TMEM67: variants seen among roughly 807,000 people sequenced by gnomAD.
The protein encoded by TMEM67 is transmembrane protein 67.
TMEM67 carries 124 observed loss-of-function variants against 136.6 expected under a neutral mutation model. The observed-to-expected ratio is 0.91, with a 90% confidence interval of 0.78 to 1.05. The LOEUF (loss-of-function observed/expected upper bound fraction) is 1.05, where lower values mean the gene tolerates loss of function less well. TMEM67 is among the 50% of genes least tolerant of loss of function. TMEM67 has a pLI of 0.00. For missense variants in TMEM67, 1,107 were observed against 1,178.4 expected, an observed-to-expected ratio of 0.94 and a Z score of 0.89; for synonymous variants, 364 against 390.5, an observed-to-expected ratio of 0.93 and a Z score of 0.80.
intron 11 of TMEM67, among the ~76,000 whole-genome samples, chr8:93,783,226 T>C (rs960145193): frequency 6.6e-6 from 1 of 152,264 alleles, no homozygotes; most frequent in African/African-American, 2.4e-5. Context: ...CCTCAACTGA[T>C]CCACCAGCCT....
chr8:93,831,612 C>G, the TMEM67 span, among the ~76,000 whole-genome samples: 1 of 152,154 alleles, frequency 6.6e-6, no homozygotes, highest in Admixed American at 6.5e-5. Context: ...ATGAAAAGCC[C>G]TGCCTCCTTC....
At chr8:93,808,232 C>A (rs1815244001) in intron 23 of TMEM67, among the ~76,000 whole-genome samples, 1 of 145,176 alleles carries the variant, frequency 6.9e-6, no homozygotes, top group African/African-American at 2.5e-5. Context: ...TATATATATG[C>A]TCTACTTAAA....
At chr8:93,814,135 CTTTTTT>C (rs55774610) in intron 26 of TMEM67, among the ~76,000 whole-genome samples, 4 of 60,780 alleles carry the variant, frequency 6.6e-5, no homozygotes, top group Admixed American at 1.9e-4. Flanking sequence ...TATATGTATA[CTTTTTT>C]TTTTTTTTTT....
chr8:93,782,300 ATG>A, intron 10 of TMEM67, 93 bp from the exon 11 acceptor site: 1 of 860,246 alleles, frequency 1.2e-6, no homozygotes, highest in Non-Finnish European at 2.0e-6. Flanking sequence ...AATAAGTATT[ATG>A]TAGAGCATAT....
intron 27 of TMEM67, 146 bp from the exon 28 acceptor site, chr8:93,816,226 A>G (rs1808900192): frequency 2.2e-6 from 1 of 450,024 alleles, no homozygotes; most frequent in Non-Finnish European, 4.1e-6. Context: ...ATCTTGAAAT[A>G]ATTTTATGTA....
intron 23 of TMEM67, among the ~76,000 whole-genome samples, chr8:93,808,539 A>AATAGATATATTATAG (rs1808555313): frequency 1.1e-5 from 1 of 89,926 alleles, no homozygotes; most frequent in Non-Finnish European, 2.7e-5. Context: ...ATATATCTAT[A>AATAGATATATTATAG]ATCTATATAT....
chr8:93,759,111 T>C (rs967962898), intron 3 of TMEM67: 2 of 152,286 alleles, frequency 1.3e-5, no homozygotes, highest in African/African-American at 4.8e-5. Context: ...TAAGCATTCC[T>C]GTTAATGTCA....
intron 2 of TMEM67, chr8:93,757,250 T>A (rs1409424175): frequency 6.6e-6 from 1 of 152,162 alleles, no homozygotes; most frequent in African/African-American, 2.4e-5. Flanking sequence ...TTTGGTTACA[T>A]CTGTGTTTGT....
chr8:93,823,243 A>T (rs1032842119), downstream of TMEM67, among the ~76,000 whole-genome samples: 8 of 151,854 alleles, frequency 5.3e-5, no homozygotes, highest in Admixed American at 2.0e-4. Context: ...TCTAAGGAAG[A>T]CCCCCTCTTT....
intron 15 of TMEM67, among the ~76,000 whole-genome samples, chr8:93,791,616 G>A (rs1814378773): frequency 6.6e-6 from 1 of 152,108 alleles, no homozygotes; most frequent in African/African-American, 2.4e-5. Context: ...TTTACAATGT[G>A]TGACAGATTC....
At chr8:93,799,519 G>GT in intron 20 of TMEM67, 99 bp from the exon 21 acceptor site, 1 of 1,121,568 alleles carries the variant, frequency 8.9e-7, no homozygotes, top group South Asian at 1.4e-5. Context: ...AGATATTTTA[G>GT]TTTTTCAAGG....
downstream of TMEM67, among the ~76,000 whole-genome samples, chr8:93,820,594 G>C (rs957696877): frequency 6.6e-6 from 1 of 152,126 alleles, no homozygotes; most frequent in Admixed American, 6.5e-5. Flanking sequence ...TGTGCAATTT[G>C]GGCAAGTCAT....
At chr8:93,795,165 T>C (rs1391289359) in intron 16 of TMEM67, 2 of 562,818 alleles carry the variant, frequency 3.6e-6, no homozygotes, top group Non-Finnish European at 6.3e-6. Flanking sequence ...TCAATTTTCT[T>C]AGATAGTGAA....
downstream of TMEM67, among the ~76,000 whole-genome samples, chr8:93,821,223 T>C (rs1809036218): frequency 6.6e-6 from 1 of 152,144 alleles, no homozygotes; most frequent in South Asian, 2.1e-4. Flanking sequence ...AAAGGGTAAA[T>C]GGTAAAGTTT....
At chr8:93,759,403 C>G (rs1812721855) in intron 3 of TMEM67, 3 of 144,534 alleles carry the variant, frequency 2.1e-5, no homozygotes, top group Admixed American at 1.4e-4. Flanking sequence ...GTCAAGGCTA[C>G]AGTGAGCTGA....
chr8:93,823,353 C>T (rs371218314), downstream of TMEM67, among the ~76,000 whole-genome samples: 8 of 152,142 alleles, frequency 5.3e-5, no homozygotes, highest in South Asian at 1.5e-3. Context: ...GGTGAAGTCC[C>T]CTTTGCAGTG....
At chr8:93,821,485 T>A (rs1809040328), downstream of TMEM67, among the ~76,000 whole-genome samples, 1 of 152,266 alleles carries the variant, frequency 6.6e-6, no homozygotes, top group East Asian at 1.9e-4. Flanking sequence ...TCTCATTATG[T>A]TGCCCAGGCT....
At chr8:93,804,667 A>G (rs1000681695) in intron 22 of TMEM67, 95 bp from the exon 23 acceptor site, 5 of 687,226 alleles carry the variant, frequency 7.3e-6, no homozygotes, top group Non-Finnish European at 1.3e-5. Flanking sequence ...AATCTTCATT[A>G]TTTTGGGAAA....
chr8:93,806,451 AAAG>A (rs1381333547), intron 23 of TMEM67, among the ~76,000 whole-genome samples: 1 of 152,212 alleles, frequency 6.6e-6, no homozygotes, highest in African/African-American at 2.4e-5. Flanking sequence ...CTCTAAGAAA[AAAG>A]AAAATTTGGG....
Sources: allele counts gnomAD v4.1 joint callset (sites outside exome capture counted in the v4.1 genomes callset), GRCh38; gene constraint gnomAD v4.1.1; transcripts MANE v1.5; gene names NCBI Gene and HGNC (gene_info 2026-07-23, HGNC 2026-07-21).